The following ACSBG1 variants were observed in gnomAD, a reference collection of about 807,000 sequenced individuals.
ACSBG1 encodes acyl-CoA synthetase bubblegum family member 1.
Under a neutral mutation model 80.2 loss-of-function variants are expected in ACSBG1, and 39 were observed. That is an observed-to-expected ratio of 0.49 (90% CI 0.38 to 0.64). ACSBG1 has a LOEUF of 0.64. Ranked by LOEUF, ACSBG1 falls within the 30% of genes least tolerant of loss-of-function variation. The pLI, the probability that ACSBG1 is intolerant of heterozygous loss-of-function variation, is 0.00. For missense variants in ACSBG1, 828 were observed against 966.4 expected, an observed-to-expected ratio of 0.86 and a Z score of 1.90; for synonymous variants, 392 against 379.5, an observed-to-expected ratio of 1.03 and a Z score of -0.38.
Position 78,168,920 on chromosome 15 carries a change from A to G in ACSBG1, c.*2524T>C. The G allele has an allele frequency of 6.3e-7, 1 of 1,584,954 alleles. No homozygotes were observed. Among genetic ancestry groups the G allele is most frequent in the Non-Finnish European group, 8.6e-7 (1 of 1,157,392 alleles). Reference sequence around the variant, plus strand: ...TTTATTTTTGCTTTTTCCTTTTCTCAGAGCTTGACAAAAGATTTGGGAGGC... The same window carrying G: ...TTTATTTTTGCTTTTTCCTTTTCTCGGAGCTTGACAAAAGATTTGGGAGGC... On this transcript the variant is annotated 3_prime_UTR_variant, in exon 14 of 14. Coordinates refer to ENST00000258873, the MANE Select transcript of ACSBG1 (RefSeq NM_015162.5).
chr15:78,223,761 T>C (rs1178804072), intron 1 of ACSBG1, among the ~76,000 whole-genome samples: 1 of 152,234 alleles, frequency 6.6e-6, no homozygotes, highest in Non-Finnish European at 1.5e-5. Flanking sequence ...TTTGAAGATA[T>C]AATTAAATGA....
In ACSBG1 at chr15:78,179,627, G is replaced by C; in HGVS notation, c.1407C>G (p.Arg469=). The change falls in exon 10 of 14, where the codon CGC becomes CGG. Residue 469 remains arginine (R), a synonymous_variant. Transcript: ENST00000258873. ...CACTGAGGCCGTAGCCCGCATACAAGCGGATGTTGAGACCCAGGAAGAAGT... is the reference window on the plus strand; with the variant it reads ...CACTGAGGCCGTAGCCCGCATACAACCGGATGTTGAGACCCAGGAAGAAGT... The part of the protein sequence containing the change: ...TQHFFLGLNI[R]LYAGYGLSET... The C allele has an allele frequency of 2.5e-6, 4 of 1,614,204 alleles. No homozygotes were observed. The highest frequency in any genetic ancestry group is 3.4e-6 in the Non-Finnish European group (4 of 1,180,034).
intron 3 of ACSBG1, 90 bp downstream of exon 3, chr15:78,194,416 A>G: frequency 8.2e-7 from 1 of 1,215,174 alleles, no homozygotes; most frequent in South Asian, 1.3e-5. Flanking sequence ...AGCCTTGCCC[A>G]GTGGGCAGTT....
intron 1 of ACSBG1, chr15:78,212,680 G>C: frequency 4.5e-6 from 2 of 443,018 alleles, no homozygotes; most frequent in Admixed American, 4.8e-5. Flanking sequence ...GAGTCCCCCC[G>C]GGAGAGCCAC....
At chr15:78,215,787 A>G (rs1207705410) in intron 1 of ACSBG1, among the ~76,000 whole-genome samples, 1 of 127,818 alleles carries the variant, frequency 7.8e-6, no homozygotes, top group African/African-American at 3.2e-5. Flanking sequence ...AGAAAGAAAG[A>G]GAAAGAAAGA....
chr15:78,190,719 T>C (rs1359733897), intron 5 of ACSBG1, among the ~76,000 whole-genome samples: 1 of 152,140 alleles, frequency 6.6e-6, no homozygotes, highest in Non-Finnish European at 1.5e-5. Flanking sequence ...TACTGTTGTA[T>C]GGTTCCACAT....
At position 78,169,238 on chromosome 15, in the gene ACSBG1, A is replaced by G. The variant is rs1164667605; in HGVS notation, c.*2206T>C. On this transcript the variant is annotated 3_prime_UTR_variant, in exon 14 of 14. Transcript: ENST00000258873. Reference sequence around the variant, plus strand: ...TATTTATTAAGTGTCTACCTGGTAAATGTTTTTTTTGTAAACTCTGAGTGG... The same window carrying G: ...TATTTATTAAGTGTCTACCTGGTAAGTGTTTTTTTTGTAAACTCTGAGTGG... 3 of 335,012 alleles carry G rather than the reference A, an allele frequency of 9.0e-6. No individual in the cohort carries two copies. Among genetic ancestry groups the G allele is most frequent in the Admixed American group, 4.7e-5 (1 of 21,102 alleles). 20.8% of individuals were successfully genotyped at this position (335,012 alleles called of 1,614,324 possible).
chr15:78,172,824 C>T lies in ACSBG1; in HGVS notation c.2089+769G>A, dbSNP rs2141316282. ...AAGAGTGACTTCAGCTGAGGCTGCA[C>T]CAGAGCCCTCTCCTGGTTCTGTGGG... On this transcript the variant is annotated intron_variant, in intron 13 of 13. Transcript: ENST00000258873. The surrounding 1 kb of genome is among the most constrained non-coding windows in gnomAD (Gnocchi z 4.1). 6.6e-6 allele frequency among the ~76,000 whole-genome samples: 1 copy of T among 152,306 alleles called. No homozygotes were observed. The highest frequency in any genetic ancestry group is 2.1e-4 in the South Asian group (1 of 4,824).
chr15:78,202,322 C>T (rs182370559), intron 2 of ACSBG1, among the ~76,000 whole-genome samples: 70 of 152,166 alleles, frequency 4.6e-4, no homozygotes, highest in African/African-American at 1.6e-3. Flanking sequence ...GCGATTCCCC[C>T]GCCTCAGCCT....
intron 1 of ACSBG1, among the ~76,000 whole-genome samples, chr15:78,225,225 C>A (rs1292185550): frequency 1.3e-5 from 2 of 151,912 alleles, no homozygotes; most frequent in African/African-American, 4.8e-5. Flanking sequence ...CATGGTGAAA[C>A]CCCATCTCTA....
At chr15:78,192,829 C>T (rs1430956126) in intron 5 of ACSBG1, among the ~76,000 whole-genome samples, 1 of 152,148 alleles carries the variant, frequency 6.6e-6, no homozygotes, top group African/African-American at 2.4e-5. Flanking sequence ...AAGTCAGTCT[C>T]TGAGGACTCC....
intron 1 of ACSBG1, among the ~76,000 whole-genome samples, chr15:78,218,287 A>AGGG (rs2075329284): frequency 9.3e-6 from 1 of 107,176 alleles, no homozygotes. Flanking sequence ...GAGTGGGGGT[A>AGGG]GGGGTGAAGC....
At chr15:78,210,403 T>C (rs1050645635) in intron 1 of ACSBG1, among the ~76,000 whole-genome samples, 3 of 152,218 alleles carry the variant, frequency 2.0e-5, no homozygotes, top group African/African-American at 7.2e-5. Context: ...GTGGTCCCTT[T>C]GAAGAGATGT....
chr15:78,204,492 G>T (rs1013412020), intron 2 of ACSBG1, among the ~76,000 whole-genome samples: 2 of 152,204 alleles, frequency 1.3e-5, no homozygotes, highest in Non-Finnish European at 2.9e-5. Context: ...CCTAGGAGGG[G>T]ACACCCAGGC....
intron 1 of ACSBG1, among the ~76,000 whole-genome samples, chr15:78,215,944 G>A (rs768538499): frequency 2.6e-5 from 4 of 152,108 alleles, no homozygotes; most frequent in Non-Finnish European, 5.9e-5. Context: ...TGGTAGAGCC[G>A]CCTATGACAC....
intron 5 of ACSBG1, among the ~76,000 whole-genome samples, chr15:78,191,395 A>G (rs2075055741): frequency 6.6e-6 from 1 of 152,266 alleles, no homozygotes; most frequent in Non-Finnish European, 1.5e-5. Context: ...ACATTAAAAT[A>G]CTACCAACCA....
At chr15:78,192,006 T>C (rs2075061399) in intron 5 of ACSBG1, among the ~76,000 whole-genome samples, 1 of 152,124 alleles carries the variant, frequency 6.6e-6, no homozygotes, top group African/African-American at 2.4e-5. Context: ...AGGGTGGGCT[T>C]GGATCCAATA....
In ACSBG1 at chr15:78,177,902, C is replaced by A. The variant is rs1341511235; in HGVS notation, c.1702+712G>T. 1.3e-5 allele frequency among the ~76,000 whole-genome samples: 2 copies of A among 152,188 alleles called. No homozygotes were observed. Reference sequence around the variant, plus strand: ...CAGAGGCATCCCCAACTATTTCTGTCTCTGTGGGAAGTTTGTCTTATTTTA... The same window carrying A: ...CAGAGGCATCCCCAACTATTTCTGTATCTGTGGGAAGTTTGTCTTATTTTA... On this transcript the variant is annotated intron_variant, in intron 11 of 13. Transcript: ENST00000258873. This position sits in a 1 kb window ranked among gnomAD's most constrained non-coding sequence, Gnocchi z 4.1.
chr15:78,205,546 T>C (rs1320342233), intron 2 of ACSBG1, among the ~76,000 whole-genome samples: 1 of 152,164 alleles, frequency 6.6e-6, no homozygotes, highest in African/African-American at 2.4e-5. Context: ...TTCCACCTCT[T>C]ACCAGCTGTG....
Sources: gnomAD v4.1 joint callset for allele counts (sites outside exome capture counted in the v4.1 genomes callset) on GRCh38, gnomAD v4.1.1 for gene constraint, Gnocchi (gnomAD v3.1) non-coding constraint, MANE v1.5 for transcripts, NCBI Gene and HGNC (gene_info 2026-07-23, HGNC 2026-07-21) for gene names.